Variants in HIVEP1 observed in about 807,000 individuals in gnomAD.
The protein encoded by HIVEP1 is zinc finger protein 40.
HIVEP1 carries 36 observed loss-of-function variants against 180.0 expected under a neutral mutation model. That is an observed-to-expected ratio of 0.20 (90% CI 0.15 to 0.26). The LOEUF is 0.26. Ranked by LOEUF, HIVEP1 falls within the 10% of genes least tolerant of loss-of-function variation. The pLI is 1.00. For missense variants in HIVEP1, 3,143 were observed against 3,268.7 expected (o/e 0.96, Z 0.94); for synonymous variants, 1,239 against 1,239.0 (o/e 1.00, Z 0.00).
chr6:12,124,461 T>C lies in HIVEP1; in HGVS notation c.4666T>C (p.Phe1556Leu). 6.2e-7 allele frequency: 1 copy of C among 1,614,194 alleles called. No homozygotes were observed. Among genetic ancestry groups the C allele is most frequent in the Non-Finnish European group, 8.5e-7 (1 of 1,180,042 alleles). ...TGGGTCTTCTAAAAGTGAGGATTGC[T>C]TTGCTCCCAAATACCAATTGCATTG... Reference protein sequence around the residue: ...LSGSSKSEDCFAPKYQLHCQV... With the variant: ...LSGSSKSEDCLAPKYQLHCQV... The change falls in exon 4 of 9, where the codon TTT (phenylalanine) becomes CTT (leucine). Residue 1556 changes from phenylalanine to leucine, a missense_variant. Phe to Leu is a conservative substitution (Grantham distance 22). Transcript: ENST00000379388.
intron 2 of HIVEP1, chr6:12,020,101 T>C (rs1561859269): frequency 3.8e-6 from 1 of 260,918 alleles, no homozygotes; most frequent in South Asian, 4.0e-5. Flanking sequence ...AGGAAACAAA[T>C]TGGGGACATA....
At chr6:12,161,403 G>A (rs775979815) in intron 7 of HIVEP1, 36 bp from the exon 8 acceptor site, 6 of 1,573,122 alleles carry the variant, frequency 3.8e-6, no homozygotes, top group Admixed American at 1.8e-5. Context: ...CACTTGGAAA[G>A]CATTCCATCA....
intron 2 of HIVEP1, among the ~76,000 whole-genome samples, chr6:12,046,569 A>G (rs763484751): frequency 2.0e-5 from 3 of 152,218 alleles, no homozygotes; most frequent in Admixed American, 2.0e-4. Flanking sequence ...TCACGAGGTC[A>G]AGAGATCGAG....
chr6:12,140,356 G>A (rs560361396), intron 7 of HIVEP1, among the ~76,000 whole-genome samples: 1 of 152,294 alleles, frequency 6.6e-6, no homozygotes, highest in Non-Finnish European at 1.5e-5. Flanking sequence ...CCCATTTGAT[G>A]TTGGTGGGTC....
In HIVEP1 at chr6:12,123,607, A is replaced by G. The variant is rs1366547642; in HGVS notation, c.3812A>G (p.Lys1271Arg). Reference sequence around the variant, plus strand: ...CCCCAGCGTAGTGAAACCTTGTCAAAATTGCCAACAGAGAAACTGCCACCC... The same window carrying G: ...CCCCAGCGTAGTGAAACCTTGTCAAGATTGCCAACAGAGAAACTGCCACCC... ...SWPQRSETLS[K>R]LPTEKLPPKK... Residue 1271 changes from lysine to arginine, a missense_variant, in exon 4 of 9, where the codon AAA becomes AGA. By Grantham distance (26) the Lys-to-Arg change is conservative (BLOSUM62 2). Coordinates refer to ENST00000379388, the MANE Select transcript of HIVEP1 (RefSeq NM_002114.4). The G allele has an allele frequency of 6.2e-7, 1 of 1,614,010 alleles. No homozygotes were observed. Among genetic ancestry groups the G allele is most frequent in the African/African-American group, 1.3e-5 (1 of 74,904 alleles).
downstream of HIVEP1, among the ~76,000 whole-genome samples, chr6:12,165,448 A>C (rs1004537845): frequency 3.3e-5 from 5 of 152,208 alleles, no homozygotes; most frequent in African/African-American, 9.6e-5. Flanking sequence ...TGTTAAACTC[A>C]CAGAGCTCTG....
intron 2 of HIVEP1, among the ~76,000 whole-genome samples, chr6:12,023,076 C>T (rs1010511525): frequency 2.6e-5 from 4 of 152,140 alleles, no homozygotes; most frequent in Non-Finnish European, 4.4e-5. Context: ...ACAGATCACG[C>T]GGGATTGAAG....
In HIVEP1 at chr6:12,064,824, G is replaced by A. The variant is rs114367956; in HGVS notation, c.41-24360G>A. Among the ~76,000 whole-genome samples the A allele has an allele frequency of 5.2e-3, 789 of 152,264 alleles. 5 individuals are homozygous for A. The highest frequency in any genetic ancestry group is 6.1e-3 in the Non-Finnish European group (413 of 68,018). ...GCTGCTCTGTTTTTCCCTGCAAAAG[G>A]AATTTTTCAATTTGATTTTCCATCC... On this transcript the variant is annotated intron_variant, in intron 2 of 8. Coordinates refer to ENST00000379388, the MANE Select transcript of HIVEP1 (RefSeq NM_002114.4).
chr6:12,044,805 C>T (rs571915660), intron 2 of HIVEP1, among the ~76,000 whole-genome samples: 1 of 149,784 alleles, frequency 6.7e-6, no homozygotes, highest in Admixed American at 6.6e-5. Flanking sequence ...CTGTGCCCCC[C>T]TCAAAGCCAG....
At chr6:12,058,312 C>A (rs528807344) in intron 2 of HIVEP1, among the ~76,000 whole-genome samples, 2 of 152,126 alleles carry the variant, frequency 1.3e-5, no homozygotes, top group African/African-American at 4.8e-5. Flanking sequence ...TTGAAAATAG[C>A]ATTCATCCAG....
At chr6:12,112,012 T>G (rs1774927236) in intron 3 of HIVEP1, among the ~76,000 whole-genome samples, 1 of 152,248 alleles carries the variant, frequency 6.6e-6, no homozygotes, top group South Asian at 2.1e-4. Flanking sequence ...TTTATAATTT[T>G]ATTATTGTCA....
chr6:12,079,811 C>T (rs572826564), intron 2 of HIVEP1, among the ~76,000 whole-genome samples: 1 of 152,112 alleles, frequency 6.6e-6, no homozygotes, highest in Non-Finnish European at 1.5e-5. Flanking sequence ...ATTAATACAA[C>T]AAATTTGATT....
At chr6:12,047,284 C>G (rs1281887764) in intron 2 of HIVEP1, among the ~76,000 whole-genome samples, 1 of 152,230 alleles carries the variant, frequency 6.6e-6, no homozygotes, top group Admixed American at 6.5e-5. Context: ...TGGGACCATG[C>G]TAGTGTCAAG....
At chr6:12,110,147 G>C (rs560023277) in intron 3 of HIVEP1, among the ~76,000 whole-genome samples, 1 of 152,220 alleles carries the variant, frequency 6.6e-6, no homozygotes, top group African/African-American at 2.4e-5. Flanking sequence ...TGTCATCCAG[G>C]CTTTGTTGTT....
At chr6:12,113,416 C>G (rs112175599) in intron 3 of HIVEP1, among the ~76,000 whole-genome samples, 2,540 of 151,728 alleles carry the variant, frequency 0.017, 71 homozygotes, top group African/African-American at 0.059. Context: ...TGGGGCAGTT[C>G]GAGGAGGAGA....
Position 12,019,460 on chromosome 6 carries a change from C to T in HIVEP1, c.40+3792C>T, listed in dbSNP as rs74955046. 0.012 allele frequency among the ~76,000 whole-genome samples: 1,843 copies of T among 152,304 alleles called. 157 individuals carry two copies. In the East Asian group the frequency reaches 0.22, roughly 18 times the overall value. ...TTTGTTGTGCCCTACCTGTGATCCA[C>T]TGCTTTGCTTTACTAGAAGACATCT... On this transcript the variant is annotated intron_variant, in intron 2 of 8. Transcript: ENST00000379388.
chr6:12,130,050 A>G (rs1328961322), intron 5 of HIVEP1, among the ~76,000 whole-genome samples, 158 bp downstream of exon 5: 1 of 152,230 alleles, frequency 6.6e-6, no homozygotes, highest in Admixed American at 6.5e-5. Context: ...TGTTAACATT[A>G]TGTTAAATCA....
At chr6:12,047,665 C>G (rs1047431298) in intron 2 of HIVEP1, among the ~76,000 whole-genome samples, 2 of 152,208 alleles carry the variant, frequency 1.3e-5, no homozygotes, top group African/African-American at 4.8e-5. Context: ...TTTGGCCTTT[C>G]CCTCACTCTG....
chr6:12,167,636 TATACATA>T (rs1562023574), downstream of HIVEP1, among the ~76,000 whole-genome samples: 29 of 27,360 alleles, frequency 1.1e-3, no homozygotes, highest in African/African-American at 2.3e-3. Flanking sequence ...ACATGTTATA[TATACATA>T]TACATATATA....
Sources: gnomAD v4.1 joint callset for allele counts (sites outside exome capture counted in the v4.1 genomes callset) on GRCh38, gnomAD v4.1.1 for gene constraint, MANE v1.5 for transcripts, NCBI Gene and HGNC (gene_info 2026-07-23, HGNC 2026-07-21) for gene names.